The following TMPRSS11D variants were observed in gnomAD, a reference collection of about 807,000 sequenced individuals.
TMPRSS11D encodes transmembrane serine protease 11D.
A neutral mutation model predicts 44.4 loss-of-function variants in TMPRSS11D; 32 were observed. The ratio of observed to expected loss-of-function variants is 0.72; its 90% confidence interval spans 0.54 to 0.97. The LOEUF is 0.97. Ranked by LOEUF, TMPRSS11D falls within the 50% of genes least tolerant of loss-of-function variation. The pLI is 0.00. For missense variants in TMPRSS11D, 446 were observed against 502.6 expected (o/e 0.89, Z 1.08); for synonymous variants, 179 against 177.9 (o/e 1.01, Z -0.05).
At chr4:67,827,173 C>T in intron 8 of TMPRSS11D, 88 bp downstream of exon 8, 2 of 1,491,566 alleles carry the variant, frequency 1.3e-6, no homozygotes, top group Non-Finnish European at 1.8e-6. Flanking sequence ...ATAGAAACAC[C>T]TATTCCAGAT....
chr4:67,850,289 A>G (rs186960383), intron 3 of TMPRSS11D, among the ~76,000 whole-genome samples: 1 of 152,280 alleles, frequency 6.6e-6, no homozygotes, highest in East Asian at 1.9e-4. Flanking sequence ...TCATCTACAA[A>G]CCAGAAGGTG....
At chr4:67,879,557 A>G (rs1230220321) in intron 1 of TMPRSS11D, among the ~76,000 whole-genome samples, 1 of 151,894 alleles carries the variant, frequency 6.6e-6, no homozygotes, top group Non-Finnish European at 1.5e-5. Context: ...AGAAAGTTTG[A>G]CCCATGGGAT....
intron 1 of TMPRSS11D, among the ~76,000 whole-genome samples, chr4:67,882,044 C>G (rs1369389798): frequency 3.3e-5 from 5 of 152,072 alleles, no homozygotes; most frequent in African/African-American, 1.2e-4. Context: ...ATGAGTAACA[C>G]AGCTGTTCAG....
chr4:67,848,304 C>A (rs556794867), intron 3 of TMPRSS11D, among the ~76,000 whole-genome samples: 1 of 152,288 alleles, frequency 6.6e-6, no homozygotes, highest in Non-Finnish European at 1.5e-5. Context: ...AAGTAGAATG[C>A]ATTCATAGTT....
At chr4:67,834,588 A>C (rs1577807260) in intron 6 of TMPRSS11D, among the ~76,000 whole-genome samples, 2 of 152,238 alleles carry the variant, frequency 1.3e-5, no homozygotes, top group South Asian at 2.1e-4. Flanking sequence ...AGTACATAGG[A>C]TGATGTTGAA....
chr4:67,882,765 A>T (rs1439221729), intron 1 of TMPRSS11D, among the ~76,000 whole-genome samples: 2 of 152,132 alleles, frequency 1.3e-5, no homozygotes, highest in Non-Finnish European at 2.9e-5. Flanking sequence ...CTGCTTTAGT[A>T]TAACAAACCT....
Position 67,854,097 on chromosome 4 carries a change from T to G in TMPRSS11D, c.220A>C (p.Arg74=). 6.3e-7 allele frequency: 1 copy of G among 1,590,704 alleles called. No individual in the cohort carries two copies. The highest frequency in any genetic ancestry group is 8.6e-7 in the Non-Finnish European group (1 of 1,169,124). ...QLNSPATQEY[R]TLSGRIESLI... ...GATTCAATTCTTCCACTCAAAGTCC[T>G]GTATTCCTGTGTAGCTGGTGAATTT... The change falls in exon 3 of 10, where the codon AGG becomes CGG. Residue 74 remains arginine (R), a synonymous_variant. Coordinates refer to ENST00000283916, the MANE Select transcript of TMPRSS11D (RefSeq NM_004262.3).
intron 1 of TMPRSS11D, among the ~76,000 whole-genome samples, chr4:67,872,279 CCTTT>C (rs1719078079): frequency 6.6e-6 from 1 of 152,060 alleles, no homozygotes; most frequent in Non-Finnish European, 1.5e-5. Context: ...TTTCCTTCCT[CCTTT>C]CTTTCATTCT....
Position 67,822,246 on chromosome 4 carries a change from C to G in TMPRSS11D, c.*91G>C. Reference sequence around the variant, plus strand: ...AACAAGATGTTAAATTAGGACATTTCTAGTTTCTTTTTCAGTTGAAATGTA... The same window carrying G: ...AACAAGATGTTAAATTAGGACATTTGTAGTTTCTTTTTCAGTTGAAATGTA... On this transcript the variant is annotated 3_prime_UTR_variant, in exon 10 of 10. Transcript: ENST00000283916. 1 of 1,373,896 alleles carries G rather than the reference C, an allele frequency of 7.3e-7. No individual in the cohort carries two copies. The highest frequency in any genetic ancestry group is 1.0e-6 in the Non-Finnish European group (1 of 991,984). The allele number at this position is 1,373,896 out of a possible 1,614,324, so 85.1% of individuals were successfully genotyped here. A position where few individuals can be genotyped will look rare whatever the true frequency, so the allele number is the denominator to read the frequency against.
intron 3 of TMPRSS11D, among the ~76,000 whole-genome samples, chr4:67,852,204 T>G (rs1023923865): frequency 6.6e-6 from 1 of 152,196 alleles, no homozygotes; most frequent in African/African-American, 2.4e-5. Flanking sequence ...TAACCTGTGA[T>G]ACTTGGTGCC....
chr4:67,868,518 C>T (rs1228216454), intron 1 of TMPRSS11D, among the ~76,000 whole-genome samples: 1 of 152,104 alleles, frequency 6.6e-6, no homozygotes, highest in Non-Finnish European at 1.5e-5. Context: ...GTGAGCTATG[C>T]CTTGAAAGAC....
chr4:67,858,544 G>A (rs918369326), intron 2 of TMPRSS11D, among the ~76,000 whole-genome samples: 14 of 152,194 alleles, frequency 9.2e-5, no homozygotes, highest in Admixed American at 7.2e-4. Flanking sequence ...TATTTCTAAT[G>A]TTGGTAATTT....
Position 67,833,386 on chromosome 4 carries a change from T to C in TMPRSS11D, c.515-5A>G. The stretch of plus-strand genomic sequence containing the variant: ...GGTCTGGACCGGCCCCACATTCTAA[T>C]GAGAAAGGGCATTAATGTGCTGGGA... On this transcript the variant is annotated splice_polypyrimidine_tract_variant and splice_region_variant and intron_variant, in intron 6 of 9. Coordinates refer to ENST00000283916, the MANE Select transcript of TMPRSS11D (RefSeq NM_004262.3). 2.0e-6 allele frequency: 3 copies of C among 1,485,754 alleles called. No individual in the cohort carries two copies. The highest frequency in any genetic ancestry group is 1.8e-6 in the Non-Finnish European group (2 of 1,115,626). The allele number at this position is 1,485,754 out of a possible 1,614,324, so 92.0% of individuals were successfully genotyped here. A position where few individuals can be genotyped will look rare whatever the true frequency, so the allele number is the denominator to read the frequency against.
In TMPRSS11D at chr4:67,883,988, C is replaced by T; in HGVS notation, c.-55G>A. ...CTGCCTACTCAACTGCTTTGAGATT[C>T]CCACTCAAATGAATGACTCTCATGT... On this transcript the variant is annotated 5_prime_UTR_variant, in exon 1 of 10. Transcript: ENST00000283916. 1.3e-6 allele frequency: 2 copies of T among 1,534,450 alleles called. No homozygotes were observed. The highest frequency in any genetic ancestry group is 1.8e-6 in the Non-Finnish European group (2 of 1,122,080).
chr4:67,847,404 A>T (rs1020922972), intron 3 of TMPRSS11D, among the ~76,000 whole-genome samples: 4 of 152,208 alleles, frequency 2.6e-5, no homozygotes, highest in Non-Finnish European at 4.4e-5. Context: ...TATTAGGGTT[A>T]TTACAAAGTG....
chr4:67,827,179 C>A, intron 8 of TMPRSS11D, 82 bp downstream of exon 8: 2 of 1,489,974 alleles, frequency 1.3e-6, no homozygotes, highest in Non-Finnish European at 1.8e-6. Context: ...ACACCTATTC[C>A]AGATGTTTCC....
chr4:67,861,250 G>A (rs1425512166), intron 1 of TMPRSS11D, among the ~76,000 whole-genome samples: 1 of 152,086 alleles, frequency 6.6e-6, no homozygotes, highest in East Asian at 1.9e-4. Flanking sequence ...AACCACTACT[G>A]TAGTAATTTT....
chr4:67,851,098 T>A (rs535764106), intron 3 of TMPRSS11D, among the ~76,000 whole-genome samples: 1 of 152,310 alleles, frequency 6.6e-6, no homozygotes, highest in Admixed American at 6.5e-5. Context: ...TTTGGAAATG[T>A]ACCGAAGCGG....
intron 1 of TMPRSS11D, among the ~76,000 whole-genome samples, chr4:67,864,474 A>G (rs1477022523): frequency 6.6e-6 from 1 of 152,046 alleles, no homozygotes; most frequent in Non-Finnish European, 1.5e-5. Context: ...CACTTGTCTT[A>G]TAAAACAAAG....
Sources: allele counts gnomAD v4.1 joint callset (sites outside exome capture counted in the v4.1 genomes callset), GRCh38; gene constraint gnomAD v4.1.1; transcripts MANE v1.5; gene names NCBI Gene and HGNC (gene_info 2026-07-23, HGNC 2026-07-21).